The following EP400 variants were observed in gnomAD, a reference collection of about 807,000 sequenced individuals.
The protein encoded by EP400 is E1A-binding protein p400.
EP400 carries 105 observed loss-of-function variants against 354.1 expected under a neutral mutation model. The observed-to-expected ratio is 0.30, with a 90% CI of 0.25 to 0.35. The LOEUF (loss-of-function observed/expected upper bound fraction) is 0.35, where lower values mean the gene tolerates loss of function less well. EP400 is among the 10% of genes least tolerant of loss of function. The probability of loss-of-function intolerance (pLI) is 1.00; values close to 1 mark genes in which losing one functional copy is unlikely to be tolerated. For synonymous variants in EP400, 1,646 were observed against 1,716.9 expected, an observed-to-expected ratio of 0.96 and a Z score of 1.02; for missense variants, 3,280 against 4,121.0, an observed-to-expected ratio of 0.80 and a Z score of 5.59.
At chr12:131,955,893 G>T (rs1395841381) in intron 1 of EP400, among the ~76,000 whole-genome samples, 1 of 152,158 alleles carries the variant, frequency 6.6e-6, no homozygotes, top group African/African-American at 2.4e-5. Flanking sequence ...TGATCCGCCC[G>T]CCTCGGCCTC....
rs1229770279 is a variant in EP400, at chr12:132,050,564, A to G, written c.7338-35A>G. 1.2e-6 allele frequency: 2 copies of G among 1,613,718 alleles called. No homozygotes were observed. The highest frequency in any genetic ancestry group is 1.1e-5 in the South Asian group (1 of 91,060). On this transcript the variant is annotated intron_variant, in intron 40 of 52. Coordinates refer to ENST00000389561, the MANE Select transcript of EP400 (RefSeq NM_015409.5). This position sits in a 1 kb window ranked among gnomAD's most constrained non-coding sequence, Gnocchi z 4.8. ...ATACCCTTCTTCAGATATTTCCTTT[A>G]TTTAATAATTGCTGTCTCACTGTCT...
At chr12:132,023,470 T>C (rs999445006) in intron 23 of EP400, among the ~76,000 whole-genome samples, 12 of 152,108 alleles carry the variant, frequency 7.9e-5, no homozygotes, top group Non-Finnish European at 1.5e-4. Flanking sequence ...TCTGCTATTT[T>C]TGTTGTTTCG....
chr12:132,013,258 C>A lies in EP400; in HGVS notation c.3611+80C>A. On this transcript the variant is annotated intron_variant, in intron 17 of 52. Transcript: ENST00000389561. The surrounding 1 kb of genome is among the most constrained non-coding windows in gnomAD (Gnocchi z 4.5). Reference sequence around the variant, plus strand: ...TCTCTTGAAGAAATCTGCATAATTGCAGACACAAACAATGGCCTTTGAGCT... The same window carrying A: ...TCTCTTGAAGAAATCTGCATAATTGAAGACACAAACAATGGCCTTTGAGCT... 4 of 1,498,496 alleles carry A rather than the reference C, an allele frequency of 2.7e-6. No homozygotes were observed. In the South Asian group the frequency reaches 5.3e-5, roughly 20 times the overall value. The allele number at this position is 1,498,496 out of a possible 1,614,324, so 92.8% of individuals were successfully genotyped here. A position where few individuals can be genotyped will look rare whatever the true frequency, so the allele number is the denominator to read the frequency against.
At chr12:132,051,039 C>T (rs865933297) in intron 41 of EP400, 2 of 307,786 alleles carry the variant, frequency 6.5e-6, no homozygotes, top group South Asian at 8.0e-5. Flanking sequence ...TGTGTACCTG[C>T]CCTGAAGTTA....
chr12:132,028,179 G>T lies in EP400; in HGVS notation c.5272G>T (p.Gly1758Trp), dbSNP rs1264283682. The T allele has an allele frequency of 6.2e-7, 1 of 1,614,186 alleles. No individual in the cohort carries two copies. The highest frequency in any genetic ancestry group is 1.7e-5 in the Admixed American group (1 of 60,020). ...GCGTGGGTCCCTGGATGGCCGTCGT[G>T]GGAAGGAGGCCGGGCCAGCGCACAG... Reference protein sequence around the residue: ...QWRGSLDGRRGKEAGPAHSYT... With the variant: ...QWRGSLDGRRWKEAGPAHSYT... Residue 1758 changes from glycine (G) to tryptophan (W), a missense_variant, in exon 27 of 53, where the codon GGG (glycine) becomes TGG (tryptophan). Physicochemically the swap from Gly to Trp is radical, Grantham distance 184. This residue lies in a region of EP400 where 459 missense variants were observed against 496.9 expected (regional missense o/e 0.92). Transcript: ENST00000389561.
chr12:131,966,103 C>T (rs73162975), intron 2 of EP400, among the ~76,000 whole-genome samples: 2,373 of 152,064 alleles, frequency 0.016, 67 homozygotes, highest in African/African-American at 0.054. Context: ...ATTAAGAACC[C>T]GTCCGGCCGG....
At chr12:131,956,412 T>C (rs1293681356) in intron 1 of EP400, among the ~76,000 whole-genome samples, 1 of 152,242 alleles carries the variant, frequency 6.6e-6, no homozygotes, top group Non-Finnish European at 1.5e-5. Flanking sequence ...TTGGTTTTAT[T>C]ACTTATTTTC....
At chr12:132,045,988 A>G in intron 39 of EP400, 88 bp downstream of exon 39, 1 of 1,470,656 alleles carries the variant, frequency 6.8e-7, no homozygotes, top group Non-Finnish European at 9.3e-7. Flanking sequence ...CCTGCTCTTC[A>G]CTGACTGGGC....
chr12:132,052,551 A>G lies in EP400; in HGVS notation c.7395-595A>G, dbSNP rs1427548267. On this transcript the variant is annotated intron_variant, in intron 41 of 52. Coordinates refer to ENST00000389561, the MANE Select transcript of EP400 (RefSeq NM_015409.5). This position sits in a 1 kb window ranked among gnomAD's most constrained non-coding sequence, Gnocchi z 4.4. Reference sequence around the variant, plus strand: ...GCTGTTTTCCTCCATAGCAGCCAGTACGTCTTCAGACCCACTGCACATTTT... The same window carrying G: ...GCTGTTTTCCTCCATAGCAGCCAGTGCGTCTTCAGACCCACTGCACATTTT... Among the ~76,000 whole-genome samples, 1 of 152,224 alleles carries G rather than the reference A, an allele frequency of 6.6e-6. No homozygotes were observed. Among genetic ancestry groups the G allele is most frequent in the Non-Finnish European group, 1.5e-5 (1 of 68,032 alleles).
chr12:132,007,038 T>C (rs766515785), intron 15 of EP400, among the ~76,000 whole-genome samples, 161 bp downstream of exon 15: 3 of 152,210 alleles, frequency 2.0e-5, no homozygotes, highest in Non-Finnish European at 2.9e-5. Context: ...ATTTTATGAA[T>C]GAATAAAAAA....
At position 132,025,530 on chromosome 12, in the gene EP400, T is replaced by C. The variant is rs1894275674; in HGVS notation, c.4856-116T>C. On this transcript the variant is annotated intron_variant, in intron 24 of 52. Coordinates refer to ENST00000389561, the MANE Select transcript of EP400 (RefSeq NM_015409.5). This position sits in a 1 kb window ranked among gnomAD's most constrained non-coding sequence, Gnocchi z 4.1. ...ACTGAACTTTGCATTGATTTTTTTG[T>C]GTAGATTTGATTTTCAGTTTGTCAA... 8 of 1,229,864 alleles carry C rather than the reference T, an allele frequency of 6.5e-6. No individual in the cohort carries two copies. In the South Asian group the frequency reaches 1.1e-4, roughly 17 times the overall value. 76.2% of individuals were successfully genotyped at this position (1,229,864 alleles called of 1,614,324 possible).
intron 45 of EP400, among the ~76,000 whole-genome samples, chr12:132,057,433 C>A (rs935856682): frequency 6.6e-6 from 1 of 152,148 alleles, no homozygotes; most frequent in Non-Finnish European, 1.5e-5. Context: ...TGTATGACTC[C>A]GTTTCAATAA....
chr12:132,073,112 G>A (rs2136622638), intron 51 of EP400, among the ~76,000 whole-genome samples: 1 of 152,090 alleles, frequency 6.6e-6, no homozygotes, highest in Non-Finnish European at 1.5e-5. Flanking sequence ...CCACTTGTCT[G>A]TATATAAGGT....
chr12:131,969,908 G>A (rs901675097), intron 2 of EP400, among the ~76,000 whole-genome samples: 2 of 152,128 alleles, frequency 1.3e-5, no homozygotes, highest in Non-Finnish European at 2.9e-5. Flanking sequence ...AATGAGCTGG[G>A]TGTGGTGATG....
intron 12 of EP400, among the ~76,000 whole-genome samples, chr12:132,000,986 C>T (rs950642401): frequency 6.6e-6 from 1 of 151,930 alleles, no homozygotes; most frequent in Non-Finnish European, 1.5e-5. Context: ...GTTTATGAAT[C>T]CTGGTTTCTG....
intron 51 of EP400, among the ~76,000 whole-genome samples, chr12:132,071,190 G>A (rs1428754939): frequency 2.6e-5 from 4 of 151,658 alleles, no homozygotes; most frequent in Middle Eastern, 3.4e-3. Flanking sequence ...TCTTTGTTAC[G>A]GTGCTTTTTG....
At chr12:131,984,934 C>G (rs768156390) in intron 5 of EP400, among the ~76,000 whole-genome samples, 14 of 151,958 alleles carry the variant, frequency 9.2e-5, no homozygotes, top group Non-Finnish European at 1.3e-4. Context: ...TTTATATTCT[C>G]TCCTTAAGAA....
chr12:131,952,188 A>G (rs1243047609), intron 1 of EP400, among the ~76,000 whole-genome samples: 1 of 149,518 alleles, frequency 6.7e-6, no homozygotes, highest in Non-Finnish European at 1.5e-5. Flanking sequence ...CTGTAGTCCC[A>G]GCTACTCGGG....
chr12:132,026,193 C>G (rs1324044390), intron 25 of EP400, among the ~76,000 whole-genome samples: 1 of 152,204 alleles, frequency 6.6e-6, no homozygotes, highest in African/African-American at 2.4e-5. Flanking sequence ...ACTCCTCATC[C>G]TGTCTCGCCA....
Sources: allele counts gnomAD v4.1 joint callset (sites outside exome capture counted in the v4.1 genomes callset), GRCh38; gene constraint gnomAD v4.1.1; regional missense constraint gnomAD v4.1.1; non-coding constraint Gnocchi (gnomAD v3.1); transcripts MANE v1.5; gene names NCBI Gene and HGNC (gene_info 2026-07-23, HGNC 2026-07-21).